Variants in ERBB4 observed in about 807,000 individuals in gnomAD.
The protein encoded by ERBB4 is receptor tyrosine-protein kinase erbB-4.
In ERBB4, 42 loss-of-function variants were observed where a neutral mutation model predicts 158.0. The ratio of observed to expected loss-of-function variants is 0.27; its 90% CI spans 0.21 to 0.34. The LOEUF (loss-of-function observed/expected upper bound fraction) is 0.34, where lower values mean the gene tolerates loss of function less well. ERBB4 is among the 10% of genes least tolerant of loss of function. The pLI is 1.00. For missense variants in ERBB4, 1,333 were observed against 1,624.1 expected (o/e 0.82, Z 3.08); for synonymous variants, 583 against 558.7 (o/e 1.04, Z -0.61).
chr2:211,530,423 C>A (rs570905341), intron 20 of ERBB4, among the ~76,000 whole-genome samples: 1 of 152,124 alleles, frequency 6.6e-6, no homozygotes, highest in East Asian at 1.9e-4. Flanking sequence ...ACTACAATAC[C>A]TAAAGCAACC....
chr2:211,573,558 T>C (rs1450177936), intron 19 of ERBB4, among the ~76,000 whole-genome samples: 1 of 152,012 alleles, frequency 6.6e-6, no homozygotes, highest in Non-Finnish European at 1.5e-5. Context: ...TAGTCCCAGC[T>C]ACCCGGGAGG....
intron 2 of ERBB4, among the ~76,000 whole-genome samples, chr2:212,054,085 C>G (rs2077480413): frequency 6.6e-6 from 1 of 152,060 alleles, no homozygotes; most frequent in South Asian, 2.1e-4. Flanking sequence ...TCCTCTTGCC[C>G]CACAGGGAAG....
intron 27 of ERBB4, among the ~76,000 whole-genome samples, chr2:211,384,344 A>G (rs1375124380): frequency 6.6e-6 from 1 of 152,174 alleles, no homozygotes; most frequent in Non-Finnish European, 1.5e-5. Flanking sequence ...TCTTCTGCAT[A>G]TGGGGCTGGT....
intron 1 of ERBB4, among the ~76,000 whole-genome samples, chr2:212,288,266 A>G (rs986575520): frequency 1.3e-5 from 2 of 152,126 alleles, no homozygotes; most frequent in Non-Finnish European, 2.9e-5. Context: ...AGTGTCCACA[A>G]TGCTAATACC....
intron 1 of ERBB4, among the ~76,000 whole-genome samples, chr2:212,128,078 C>G (rs534498916): frequency 6.6e-6 from 1 of 152,320 alleles, no homozygotes; most frequent in East Asian, 1.9e-4. Flanking sequence ...CAGCTTATAA[C>G]CTCCATGCTA....
intron 25 of ERBB4, among the ~76,000 whole-genome samples, chr2:211,406,299 T>A (rs2063146484): frequency 6.6e-6 from 1 of 152,188 alleles, no homozygotes; most frequent in Admixed American, 6.6e-5. Flanking sequence ...AGATATATAG[T>A]AGATACCTAA....
At chr2:212,115,371 G>A (rs564091552) in intron 2 of ERBB4, among the ~76,000 whole-genome samples, 1 of 151,886 alleles carries the variant, frequency 6.6e-6, no homozygotes, top group African/African-American at 2.4e-5. Context: ...CATTTTAAGA[G>A]TCAGAGAAAA....
At chr2:212,426,880 T>C (rs927367714) in intron 1 of ERBB4, among the ~76,000 whole-genome samples, 3 of 152,030 alleles carry the variant, frequency 2.0e-5, no homozygotes, top group Non-Finnish European at 2.9e-5. Flanking sequence ...CAGATACCAA[T>C]AGATATAATC....
chr2:212,133,323 C>T (rs543856027), intron 1 of ERBB4, among the ~76,000 whole-genome samples: 23 of 151,266 alleles, frequency 1.5e-4, no homozygotes, highest in Admixed American at 8.6e-4. Context: ...TCAAAACAGC[C>T]TTTTCTGACC....
At chr2:211,844,050 A>G (rs1384683327) in intron 3 of ERBB4, among the ~76,000 whole-genome samples, 1 of 152,110 alleles carries the variant, frequency 6.6e-6, no homozygotes. Flanking sequence ...TGCCTCACAC[A>G]TAGTGACAGA....
intron 3 of ERBB4, among the ~76,000 whole-genome samples, chr2:211,835,803 A>T (rs2077328975): frequency 1.3e-5 from 2 of 152,076 alleles, no homozygotes; most frequent in South Asian, 2.1e-4. Context: ...ATTAAATGAG[A>T]ATACAAGCAA....
At chr2:212,054,717 G>T (rs750562969) in intron 2 of ERBB4, among the ~76,000 whole-genome samples, 33 of 152,172 alleles carry the variant, frequency 2.2e-4, no homozygotes, top group Non-Finnish European at 2.9e-4. Flanking sequence ...GCCATCAGAT[G>T]CTTTTTCTGG....
rs576061644 is a variant in ERBB4, at chr2:212,061,484, G to T, written c.234+63268C>A. ...AAAAAAAAAAAAAAAAAAAAAAAAA[G>T]CTTCCAGGAGACAACAATTTGTGTT... On this transcript the variant is annotated intron_variant, in intron 2 of 27. Transcript: ENST00000342788. Among the ~76,000 whole-genome samples, 48 of 70,244 alleles carry T rather than the reference G, an allele frequency of 6.8e-4. 1 individual carries two copies. In the South Asian group the frequency reaches 0.023, roughly 34 times the overall value. The allele number at this position is 70,244 out of a possible 152,430, so 46.1% of individuals were successfully genotyped here. A position where few individuals can be genotyped will look rare whatever the true frequency, so the allele number is the denominator to read the frequency against.
At chr2:211,662,281 A>C (rs1010501484) in intron 15 of ERBB4, among the ~76,000 whole-genome samples, 2 of 151,984 alleles carry the variant, frequency 1.3e-5, no homozygotes, top group Non-Finnish European at 2.9e-5. Context: ...GTGAGGAAAA[A>C]AATCATCCTT....
intron 19 of ERBB4, among the ~76,000 whole-genome samples, chr2:211,612,493 G>T (rs1035686606): frequency 6.6e-6 from 1 of 151,912 alleles, no homozygotes; most frequent in Admixed American, 6.6e-5. Context: ...GGCTCTTTGA[G>T]AAAGCACACT....
chr2:211,754,407 C>CTTTTTT (rs59474280), intron 4 of ERBB4, among the ~76,000 whole-genome samples: 1,985 of 138,016 alleles, frequency 0.014, 62 homozygotes, highest in Middle Eastern at 0.043. Flanking sequence ...GCAATAATCC[C>CTTTTTT]TTTTTTTTTT....
At chr2:211,827,291 C>T (rs1179126815) in intron 3 of ERBB4, among the ~76,000 whole-genome samples, 6 of 151,968 alleles carry the variant, frequency 3.9e-5, no homozygotes, top group Admixed American at 6.6e-5. Flanking sequence ...TTGGAGTTAC[C>T]TAAGAGCTCT....
At chr2:211,426,144 C>A (rs1307492858) in intron 22 of ERBB4, among the ~76,000 whole-genome samples, 1 of 38,938 alleles carries the variant, frequency 2.6e-5, no homozygotes, top group African/African-American at 1.8e-4. Context: ...AAACAAAAGC[C>A]AAAATATAAA....
At chr2:211,571,486 A>G (rs184135802) in intron 19 of ERBB4, among the ~76,000 whole-genome samples, 4 of 152,242 alleles carry the variant, frequency 2.6e-5, no homozygotes, top group Admixed American at 1.3e-4. Context: ...GCCCTTCCAA[A>G]CATGAGAATT....
Sources: allele counts gnomAD v4.1 joint callset (sites outside exome capture counted in the v4.1 genomes callset), GRCh38; gene constraint gnomAD v4.1.1; transcripts MANE v1.5; gene names NCBI Gene and HGNC (gene_info 2026-07-23, HGNC 2026-07-21).